The following SDK1 variants were observed in gnomAD, a reference collection of about 807,000 sequenced individuals.
The protein encoded by SDK1 is protein sidekick-1.
Under a neutral mutation model 245.5 loss-of-function variants are expected in SDK1, and 157 were observed. The observed-to-expected ratio is 0.64, with a 90% CI of 0.56 to 0.73. SDK1 has a LOEUF of 0.73. Ranked by LOEUF, SDK1 falls within the 30% of genes least tolerant of loss-of-function variation. The pLI is 0.00. For missense variants in SDK1, 3,583 were observed against 3,002.3 expected (o/e 1.19, Z -4.52); for synonymous variants, 1,647 against 1,278.5 (o/e 1.29, Z -6.15).
At chr7:3,397,198 C>T (rs1778736741) in intron 1 of SDK1, among the ~76,000 whole-genome samples, 1 of 151,854 alleles carries the variant, frequency 6.6e-6, no homozygotes, top group African/African-American at 2.4e-5. Flanking sequence ...ATAATTATTG[C>T]TTTATACAGT....
chr7:3,351,897 A>AT (rs149274233), intron 1 of SDK1, among the ~76,000 whole-genome samples: 2,254 of 152,252 alleles, frequency 0.015, 65 homozygotes, highest in African/African-American at 0.051. Context: ...CCTCATGGAC[A>AT]TTCATAGAAT....
At chr7:3,890,114 T>G (rs1210807373) in intron 5 of SDK1, among the ~76,000 whole-genome samples, 2 of 152,204 alleles carry the variant, frequency 1.3e-5, no homozygotes, top group Non-Finnish European at 2.9e-5. Context: ...GACATGGCCC[T>G]AGCTCAGAGT....
chr7:4,239,219 C>G (rs572751801), intron 42 of SDK1, among the ~76,000 whole-genome samples: 3 of 152,176 alleles, frequency 2.0e-5, no homozygotes, highest in African/African-American at 7.2e-5. Context: ...GAGCACAGAC[C>G]TTGTGACTCC....
intron 9 of SDK1, among the ~76,000 whole-genome samples, chr7:3,964,775 T>TGG (rs1562583846): frequency 1.3e-5 from 2 of 152,212 alleles, no homozygotes; most frequent in Non-Finnish European, 2.9e-5. Flanking sequence ...TGTCACTGTG[T>TGG]GCACAGCCAA....
chr7:3,635,383 G>A (rs1234516886), intron 2 of SDK1, among the ~76,000 whole-genome samples: 1 of 152,134 alleles, frequency 6.6e-6, no homozygotes, highest in Non-Finnish European at 1.5e-5. Flanking sequence ...TACCTGTGTT[G>A]TCCAAATGTT....
At chr7:3,577,194 C>T (rs1294031542) in intron 1 of SDK1, among the ~76,000 whole-genome samples, 1 of 152,068 alleles carries the variant, frequency 6.6e-6, no homozygotes, top group African/African-American at 2.4e-5. Flanking sequence ...TGCAAGACCC[C>T]CATAGCCCAC....
intron 4 of SDK1, among the ~76,000 whole-genome samples, chr7:3,683,159 T>A (rs1784162337): frequency 6.6e-6 from 1 of 152,172 alleles, no homozygotes; most frequent in Admixed American, 6.5e-5. Context: ...TTCTTTCATA[T>A]GATATTTCTT....
intron 1 of SDK1, among the ~76,000 whole-genome samples, chr7:3,606,354 C>G (rs988753493): frequency 2.6e-5 from 4 of 152,158 alleles, no homozygotes; most frequent in African/African-American, 4.8e-5. Context: ...AGTGGTCTCC[C>G]GGCTTCAGCA....
At chr7:3,452,339 A>T (rs1780540317) in intron 1 of SDK1, among the ~76,000 whole-genome samples, 1 of 152,082 alleles carries the variant, frequency 6.6e-6, no homozygotes. Flanking sequence ...CACTCTTTGG[A>T]AGCAGGTGAT....
At chr7:3,437,832 G>T (rs983000901) in intron 1 of SDK1, among the ~76,000 whole-genome samples, 2 of 152,168 alleles carry the variant, frequency 1.3e-5, no homozygotes, top group Non-Finnish European at 1.5e-5. Flanking sequence ...GGAAGCTTTG[G>T]CTGAATAGAA....
At chr7:3,586,195 A>G (rs1226052390) in intron 1 of SDK1, among the ~76,000 whole-genome samples, 1 of 151,916 alleles carries the variant, frequency 6.6e-6, no homozygotes, top group African/African-American at 2.4e-5. Context: ...GCCTTGGGTG[A>G]GTGTCTTGGT....
Position 3,909,332 on chromosome 7 carries a change from G to A in SDK1, c.848-41591G>A, listed in dbSNP as rs76462808. The stretch of plus-strand genomic sequence containing the variant: ...CAGACTTAAATCCTGCCTGGGCTGC[G>A]GGGCGGACACCCCATCTACTGTGCA... On this transcript the variant is annotated intron_variant, in intron 5 of 44. Coordinates refer to ENST00000404826, the MANE Select transcript of SDK1 (RefSeq NM_152744.4). Among the ~76,000 whole-genome samples, 931 of 152,208 alleles carry A rather than the reference G, an allele frequency of 6.1e-3. 6 individuals carry two copies. Among genetic ancestry groups the A allele is most frequent in the African/African-American group, 0.021 (876 of 41,506 alleles).
At chr7:3,769,816 G>C (rs1017115004) in intron 4 of SDK1, among the ~76,000 whole-genome samples, 1 of 151,794 alleles carries the variant, frequency 6.6e-6, no homozygotes, top group African/African-American at 2.4e-5. Flanking sequence ...TCTTTGTTGC[G>C]ATCTTCCTCC....
chr7:3,819,430 G>C (rs1294091316), intron 4 of SDK1, among the ~76,000 whole-genome samples: 1 of 151,970 alleles, frequency 6.6e-6, no homozygotes, highest in Non-Finnish European at 1.5e-5. Flanking sequence ...GGATACTTCT[G>C]AGAAACAATA....
chr7:3,955,935 G>A (rs1481483102), intron 7 of SDK1, among the ~76,000 whole-genome samples: 1 of 152,182 alleles, frequency 6.6e-6, no homozygotes, highest in Non-Finnish European at 1.5e-5. Context: ...AGCTTGCGCT[G>A]CCCCTGGAGG....
chr7:3,485,799 T>A (rs980964208), intron 1 of SDK1, among the ~76,000 whole-genome samples: 1 of 150,732 alleles, frequency 6.6e-6, no homozygotes, highest in African/African-American at 2.4e-5. Flanking sequence ...CACGTAAGTG[T>A]GTTTTCTTAT....
chr7:3,384,606 C>A (rs1463422821), intron 1 of SDK1, among the ~76,000 whole-genome samples: 1 of 152,152 alleles, frequency 6.6e-6, no homozygotes, highest in Non-Finnish European at 1.5e-5. Context: ...CATCGAAGGA[C>A]TTCGCTGATT....
At chr7:3,655,957 T>G (rs1317951970) in intron 4 of SDK1, among the ~76,000 whole-genome samples, 1 of 152,152 alleles carries the variant, frequency 6.6e-6, no homozygotes, top group African/African-American at 2.4e-5. Flanking sequence ...TGCGTTTATT[T>G]GATAAATTGA....
chr7:3,691,935 C>T (rs963646925), intron 4 of SDK1, among the ~76,000 whole-genome samples: 1 of 152,074 alleles, frequency 6.6e-6, no homozygotes, highest in African/African-American at 2.4e-5. Flanking sequence ...TTCACTATGA[C>T]CTTGCTTTTC....
Sources: allele counts gnomAD v4.1 joint callset (sites outside exome capture counted in the v4.1 genomes callset), GRCh38; gene constraint gnomAD v4.1.1; transcripts MANE v1.5; gene names NCBI Gene and HGNC (gene_info 2026-07-23, HGNC 2026-07-21).